The following UNC45B variants were observed in gnomAD, a reference collection of about 807,000 sequenced individuals.
The protein encoded by UNC45B is protein unc-45 homolog B.
A neutral mutation model predicts 98.7 loss-of-function variants in UNC45B; 78 were observed. The ratio of observed to expected loss-of-function variants is 0.79; its 90% CI spans 0.66 to 0.95. The LOEUF (loss-of-function observed/expected upper bound fraction) is 0.95. UNC45B is among the 40% of genes least tolerant of loss of function. The probability of loss-of-function intolerance (pLI) is 0.00; values close to 1 mark genes in which losing one functional copy is unlikely to be tolerated. For missense variants in UNC45B, 1,225 were observed against 1,184.9 expected, an observed-to-expected ratio of 1.03 and a Z score of -0.50; for synonymous variants, 462 against 480.4, an observed-to-expected ratio of 0.96 and a Z score of 0.50.
At chr17:35,157,944 A>G (rs539633958) in intron 7 of UNC45B, among the ~76,000 whole-genome samples, 1 of 152,260 alleles carries the variant, frequency 6.6e-6, no homozygotes, top group East Asian at 1.9e-4. Flanking sequence ...TAGTAATGCA[A>G]TCACAGCTCA....
At chr17:35,176,091 C>T (rs1293438382) in intron 15 of UNC45B, 57 bp downstream of exon 15, 7 of 1,557,496 alleles carry the variant, frequency 4.5e-6, no homozygotes, top group Non-Finnish European at 6.2e-6. Context: ...TTGCCTAGCG[C>T]AAGAATTATG....
intron 8 of UNC45B, 21 bp from the exon 9 acceptor site, chr17:35,163,974 T>C (rs369464349): frequency 6.3e-7 from 1 of 1,591,364 alleles, no homozygotes; most frequent in Non-Finnish European, 8.5e-7. Flanking sequence ...AATCTTAGGC[T>C]TGCCACTGTC....
At chr17:35,151,436 C>A (rs1284478800) in intron 4 of UNC45B, among the ~76,000 whole-genome samples, 2 of 152,034 alleles carry the variant, frequency 1.3e-5, no homozygotes, top group African/African-American at 4.8e-5. Context: ...GTGATCCACC[C>A]ACCTCAGCCT....
At chr17:35,170,720 C>T (rs2092179159) in intron 12 of UNC45B, among the ~76,000 whole-genome samples, 1 of 152,042 alleles carries the variant, frequency 6.6e-6, no homozygotes, top group Admixed American at 6.6e-5. Context: ...CCTGTAATCC[C>T]AGCTACTCGG....
chr17:35,177,330 C>T (rs149255793), intron 16 of UNC45B, among the ~76,000 whole-genome samples, 165 bp from the exon 17 acceptor site: 8 of 152,246 alleles, frequency 5.3e-5, no homozygotes, highest in South Asian at 2.1e-4. Context: ...TTCAGTTATC[C>T]TATCTATAAA....
At chr17:35,179,112 G>A (rs1195256987) in intron 17 of UNC45B, among the ~76,000 whole-genome samples, 1 of 152,224 alleles carries the variant, frequency 6.6e-6, no homozygotes, top group African/African-American at 2.4e-5. Context: ...GTAGCTTCAT[G>A]GGAATGGCAT....
intron 7 of UNC45B, among the ~76,000 whole-genome samples, chr17:35,156,192 G>A (rs1203378526): frequency 6.6e-6 from 1 of 152,210 alleles, no homozygotes; most frequent in Non-Finnish European, 1.5e-5. Flanking sequence ...GCAGAGGATG[G>A]AAGAGGGGAA....
chr17:35,170,022 G>T, intron 11 of UNC45B, 91 bp downstream of exon 11: 1 of 1,606,910 alleles, frequency 6.2e-7, no homozygotes, highest in South Asian at 1.1e-5. Context: ...GTGTGAAAGG[G>T]ACCTCACCCC....
In UNC45B at chr17:35,155,353, G is replaced by A. The variant is rs2142537579; in HGVS notation, c.697G>A (p.Glu233Lys). The A allele has an allele frequency of 7.4e-6, 12 of 1,614,228 alleles. No individual in the cohort carries two copies. The highest frequency in any genetic ancestry group is 1.0e-5 in the Non-Finnish European group (12 of 1,180,036). The stretch of plus-strand genomic sequence containing the variant: ...CCGAATCTGTAGCCTCATGGCCGTG[G>A]AGAATGAGGAGATGTCTCTGGCTGT... Reference protein sequence around the residue: ...IDRICSLMAVENEEMSLAVCN... With the variant: ...IDRICSLMAVKNEEMSLAVCN... Residue 233 changes from glutamate (E) to lysine (K), a missense_variant, in exon 7 of 20, where the codon GAG becomes AAG. Physicochemically the swap from Glu to Lys is moderately conservative, Grantham distance 56. Coordinates refer to ENST00000394570, the MANE Select transcript of UNC45B (RefSeq NM_001267052.2).
At chr17:35,157,391 G>A (rs930668763) in intron 7 of UNC45B, among the ~76,000 whole-genome samples, 8 of 151,958 alleles carry the variant, frequency 5.3e-5, no homozygotes, top group East Asian at 1.9e-4. Context: ...TAGTAGAGAC[G>A]GGGTTTTACC....
At chr17:35,166,086 TAAAAAAAAAAAA>T (rs55844448) in intron 9 of UNC45B, among the ~76,000 whole-genome samples, 2 of 58,116 alleles carry the variant, frequency 3.4e-5, no homozygotes, top group Non-Finnish European at 6.1e-5. Flanking sequence ...CCCTCATCTC[TAAAAAAAAAAAA>T]AAAAAAAAAA....
At chr17:35,158,623 C>T (rs2092080235) in intron 7 of UNC45B, among the ~76,000 whole-genome samples, 2 of 152,342 alleles carry the variant, frequency 1.3e-5, no homozygotes, top group Admixed American at 1.3e-4. Flanking sequence ...CTTGTAGCTT[C>T]CATCTGCCTC....
intron 7 of UNC45B, among the ~76,000 whole-genome samples, chr17:35,156,891 T>A (rs1257488772): frequency 6.6e-6 from 1 of 152,150 alleles, no homozygotes; most frequent in East Asian, 1.9e-4. Context: ...ATTATATTAA[T>A]ATTGCATACC....
In UNC45B at chr17:35,162,907, T is replaced by A. The variant is rs116274455; in HGVS notation, c.980-1088T>A. ...CTGTACTACACAAGGTCTGACCAGC[T>A]CCAAGCCACCTCTAAAACCTGGCTC... On this transcript the variant is annotated intron_variant, in intron 8 of 19. Coordinates refer to ENST00000394570, the MANE Select transcript of UNC45B (RefSeq NM_001267052.2). Among the ~76,000 whole-genome samples, 993 of 152,242 alleles carry A rather than the reference T, an allele frequency of 6.5e-3. 10 individuals are homozygous for A. Among genetic ancestry groups the A allele is most frequent in the African/African-American group, 0.023 (955 of 41,542 alleles).
At chr17:35,178,717 A>G (rs973529405) in intron 17 of UNC45B, among the ~76,000 whole-genome samples, 10 of 152,178 alleles carry the variant, frequency 6.6e-5, no homozygotes, top group African/African-American at 2.2e-4. Context: ...ATTTTTGTAT[A>G]AGGTGTAAGG....
Position 35,177,129 on chromosome 17 carries a change from G to A in UNC45B, c.2138G>A (p.Arg713Gln), listed in dbSNP as rs137917897. Reference sequence around the variant, plus strand: ...CCGGACATTGCTTTTCCTGGGGAGCGGGTAGGTGCTTGGGTAGATGGGATA... The same window carrying A: ...CCGGACATTGCTTTTCCTGGGGAGCAGGTAGGTGCTTGGGTAGATGGGATA... Reference protein sequence around the residue: ...SNPDIAFPGERVYEVVRPLVR... With the variant: ...SNPDIAFPGEQVYEVVRPLVR... The change falls in exon 16 of 20, where the codon CGG becomes CAG. Residue 713 changes from arginine to glutamine, a missense_variant and splice_region_variant. By Grantham distance (43) the Arg-to-Gln change is conservative. Transcript: ENST00000394570. 10,813 of 1,613,942 alleles carry A rather than the reference G, an allele frequency of 6.7e-3. 64 individuals are homozygous for A. Among genetic ancestry groups the A allele is most frequent in the Non-Finnish European group, 8.3e-3 (9,834 of 1,179,884 alleles).
chr17:35,176,629 G>A (rs571193699), intron 15 of UNC45B, among the ~76,000 whole-genome samples: 1 of 152,256 alleles, frequency 6.6e-6, no homozygotes, highest in Non-Finnish European at 1.5e-5. Context: ...GCAATGAGCC[G>A]AGATCATGCC....
intron 18 of UNC45B, among the ~76,000 whole-genome samples, chr17:35,182,237 G>C (rs149377632): frequency 1.3e-5 from 2 of 152,016 alleles, no homozygotes; most frequent in South Asian, 2.1e-4. Flanking sequence ...CTACAGGCGC[G>C]TGCCACCACC....
intron 4 of UNC45B, among the ~76,000 whole-genome samples, chr17:35,150,433 A>G (rs1945416457): frequency 6.6e-6 from 1 of 152,210 alleles, no homozygotes; most frequent in Admixed American, 6.5e-5. Context: ...AAGCCAGCCA[A>G]GGCTAGAACA....
Sources: allele counts gnomAD v4.1 joint callset (sites outside exome capture counted in the v4.1 genomes callset), GRCh38; gene constraint gnomAD v4.1.1; transcripts MANE v1.5; gene names NCBI Gene and HGNC (gene_info 2026-07-23, HGNC 2026-07-21).